The following INPP4B variants were observed in gnomAD, a reference collection of about 807,000 sequenced individuals.
The protein encoded by INPP4B is inositol polyphosphate 4-phosphatase type II.
Under a neutral mutation model 122.5 loss-of-function variants are expected in INPP4B, and 55 were observed. That is an observed-to-expected ratio of 0.45 (90% CI 0.36 to 0.56). INPP4B has a LOEUF of 0.56. Ranked by LOEUF, INPP4B falls within the 20% of genes least tolerant of loss-of-function variation. The probability of loss-of-function intolerance (pLI) is 0.00; values close to 1 mark genes in which losing one functional copy is unlikely to be tolerated. For synonymous variants in INPP4B, 403 were observed against 388.7 expected, an observed-to-expected ratio of 1.04 and a Z score of -0.43; for missense variants, 1,000 against 1,097.7, an observed-to-expected ratio of 0.91 and a Z score of 1.26.
intron 14 of INPP4B, among the ~76,000 whole-genome samples, chr4:142,201,389 G>A (rs1840567594): frequency 6.6e-6 from 1 of 152,026 alleles, no homozygotes; most frequent in Non-Finnish European, 1.5e-5. Flanking sequence ...TATGAAAGTT[G>A]CAAATTTATT....
intron 18 of INPP4B, among the ~76,000 whole-genome samples, chr4:142,128,176 G>A (rs112920968): frequency 0.027 from 4,033 of 151,572 alleles, 180 homozygotes; most frequent in African/African-American, 0.092. Context: ...TAAAGATGAA[G>A]GTAGTATTCA....
chr4:142,542,668 C>T (rs899011989), intron 2 of INPP4B, among the ~76,000 whole-genome samples: 2 of 152,086 alleles, frequency 1.3e-5, no homozygotes, highest in Admixed American at 1.3e-4. Context: ...ATCTTGATGT[C>T]CAGAGCCATT....
chr4:142,385,326 T>C (rs548860945), intron 7 of INPP4B, among the ~76,000 whole-genome samples: 135 of 152,082 alleles, frequency 8.9e-4, no homozygotes, highest in African/African-American at 3.2e-3. Context: ...TGGTATCTCA[T>C]CGTGATTTTG....
intron 2 of INPP4B, among the ~76,000 whole-genome samples, chr4:142,629,493 C>T (rs376450568): frequency 7.9e-5 from 12 of 151,748 alleles, no homozygotes; most frequent in Non-Finnish European, 1.2e-4. Context: ...CCCTAGAGTG[C>T]GTGAGTGTAT....
chr4:142,063,600 G>T (rs896899502), intron 25 of INPP4B, among the ~76,000 whole-genome samples: 1 of 151,916 alleles, frequency 6.6e-6, no homozygotes, highest in Non-Finnish European at 1.5e-5. Context: ...TATTCAAAGG[G>T]CAACTACTAA....
chr4:142,417,911 TTGTCTGTTCTTGTTGTTATTTGTATA>T (rs1806107130), intron 5 of INPP4B, among the ~76,000 whole-genome samples: 1 of 152,142 alleles, frequency 6.6e-6, no homozygotes, highest in Non-Finnish European at 1.5e-5. Flanking sequence ...ATTATTTCAG[TTGTCTGTTCTTGTTGTTATTTGTATA>T]TGTCTGTTCT....
intron 2 of INPP4B, among the ~76,000 whole-genome samples, chr4:142,481,769 G>T (rs1449490720): frequency 6.6e-6 from 1 of 152,088 alleles, no homozygotes; most frequent in Non-Finnish European, 1.5e-5. Context: ...CCAATAGATG[G>T]TTCTGTGATA....
At chr4:142,380,369 A>G (rs1793655146) in intron 7 of INPP4B, among the ~76,000 whole-genome samples, 1 of 152,072 alleles carries the variant, frequency 6.6e-6, no homozygotes, top group African/African-American at 2.4e-5. Context: ...CATTCTCTAC[A>G]GACGTTGAGC....
chr4:142,656,424 C>T (rs897962804), intron 2 of INPP4B, among the ~76,000 whole-genome samples: 1 of 152,220 alleles, frequency 6.6e-6, no homozygotes, highest in Non-Finnish European at 1.5e-5. Context: ...TAAGCCTTTT[C>T]ATCCTGGGAC....
intron 2 of INPP4B, among the ~76,000 whole-genome samples, chr4:142,721,551 T>G (rs1222220838): frequency 6.6e-6 from 1 of 152,162 alleles, no homozygotes; most frequent in Non-Finnish European, 1.5e-5. Flanking sequence ...GGCCGGGCGC[T>G]GTGGCTCACG....
intron 11 of INPP4B, among the ~76,000 whole-genome samples, chr4:142,255,405 C>T (rs1735265930): frequency 6.6e-6 from 1 of 152,134 alleles, no homozygotes; most frequent in South Asian, 2.1e-4. Context: ...AAGACACACA[C>T]TGGCAAATTG....
chr4:142,517,586 T>C (rs1472150005), intron 2 of INPP4B, among the ~76,000 whole-genome samples: 3 of 144,406 alleles, frequency 2.1e-5, no homozygotes, highest in African/African-American at 7.9e-5. Context: ...ATCTTATGAA[T>C]ATGTCTTAGC....
At chr4:142,245,497 A>T (rs1023813348) in intron 11 of INPP4B, among the ~76,000 whole-genome samples, 2 of 151,904 alleles carry the variant, frequency 1.3e-5, no homozygotes, top group Admixed American at 6.6e-5. Flanking sequence ...CCAGTATTTT[A>T]TTGAGGATTT....
intron 2 of INPP4B, among the ~76,000 whole-genome samples, chr4:142,619,302 C>A (rs1217982286): frequency 1.3e-5 from 2 of 152,014 alleles, no homozygotes; most frequent in Non-Finnish European, 2.9e-5. Flanking sequence ...GCTCACTGAG[C>A]ATGATTCACA....
intron 7 of INPP4B, among the ~76,000 whole-genome samples, chr4:142,401,442 T>G (rs1293059694): frequency 6.6e-6 from 1 of 152,098 alleles, no homozygotes; most frequent in East Asian, 1.9e-4. Flanking sequence ...TAACCCAAAT[T>G]TTTACCTTTT....
intron 23 of INPP4B, among the ~76,000 whole-genome samples, chr4:142,107,308 A>G (rs1787656089): frequency 6.6e-6 from 1 of 152,202 alleles, no homozygotes; most frequent in Non-Finnish European, 1.5e-5. Flanking sequence ...GTTCATGATT[A>G]CAGAACAAAT....
At chr4:142,178,833 T>A (rs1168891894) in intron 15 of INPP4B, among the ~76,000 whole-genome samples, 11 of 140,534 alleles carry the variant, frequency 7.8e-5, no homozygotes, top group African/African-American at 1.0e-4. Flanking sequence ...ACCCTACTTG[T>A]AAAAAAAAAA....
At chr4:142,214,858 C>T (rs758130674) in intron 12 of INPP4B, among the ~76,000 whole-genome samples, 2 of 152,110 alleles carry the variant, frequency 1.3e-5, no homozygotes, top group Non-Finnish European at 2.9e-5. Context: ...CGACCCAGCA[C>T]ATTAATTGTT....
chr4:142,243,195 T>C (rs1159716563), intron 11 of INPP4B, among the ~76,000 whole-genome samples: 1 of 152,222 alleles, frequency 6.6e-6, no homozygotes, highest in East Asian at 1.9e-4. Flanking sequence ...AAATGTAAAC[T>C]TTTTGACTAT....
Sources: allele counts gnomAD v4.1 joint callset (sites outside exome capture counted in the v4.1 genomes callset), GRCh38; gene constraint gnomAD v4.1.1; transcripts MANE v1.5; gene names NCBI Gene and HGNC (gene_info 2026-07-23, HGNC 2026-07-21).